SMPD3: variants seen among roughly 807,000 people sequenced by gnomAD.
SMPD3 encodes nSMase-2.
SMPD3 carries 21 observed loss-of-function variants against 55.7 expected under a neutral mutation model. The ratio of observed to expected loss-of-function variants is 0.38; its 90% CI spans 0.27 to 0.54. The LOEUF (loss-of-function observed/expected upper bound fraction) is 0.54, where lower values mean the gene tolerates loss of function less well. Among genes scored for constraint, SMPD3 ranks in the 20% least tolerant of loss-of-function variants. The probability of loss-of-function intolerance (pLI) is 0.80; values close to 1 mark genes in which losing one functional copy is unlikely to be tolerated. For missense variants in SMPD3, 842 were observed against 899.6 expected (o/e 0.94, Z 0.82); for synonymous variants, 457 against 404.3 (o/e 1.13, Z -1.56).
At chr16:68,405,967 C>T (rs569892703) in intron 1 of SMPD3, among the ~76,000 whole-genome samples, 44 of 152,154 alleles carry the variant, frequency 2.9e-4, no homozygotes, top group Admixed American at 7.2e-4. Context: ...CATTGTCAAG[C>T]GGTTTATCTC....
At chr16:68,414,098 T>C (rs2090321758) in intron 1 of SMPD3, among the ~76,000 whole-genome samples, 1 of 152,214 alleles carries the variant, frequency 6.6e-6, no homozygotes, top group Admixed American at 6.5e-5. Context: ...CCCAACTCTG[T>C]TCCCATAGTC....
chr16:68,427,403 T>A (rs750017583), intron 1 of SMPD3, among the ~76,000 whole-genome samples: 1 of 152,158 alleles, frequency 6.6e-6, no homozygotes, highest in Non-Finnish European at 1.5e-5. Flanking sequence ...AATGAATGCA[T>A]CTAGTGAAAG....
rs778186491 is a variant in SMPD3, at chr16:68,361,197, C to CCGGA, written c.*5_*8dup. On this transcript the variant is annotated 3_prime_UTR_variant, in exon 9 of 9. Transcript: ENST00000219334. ...AAGGGCTGGCAGAGGCCCCGCTGCT[C>CCGGA]CGGACGGTCTATGCCTCCTCCTCCC... 2 of 1,612,180 alleles carry CCGGA rather than the reference C, an allele frequency of 1.2e-6. No homozygotes were observed. The highest frequency in any genetic ancestry group is 1.7e-6 in the Non-Finnish European group (2 of 1,179,198).
At position 68,364,731 on chromosome 16, in the gene SMPD3, G is replaced by A. The variant is rs772905543; in HGVS notation, c.1555+20C>T. On this transcript the variant is annotated intron_variant, in intron 5 of 8. Coordinates refer to ENST00000219334, the MANE Select transcript of SMPD3 (RefSeq NM_018667.4). ...CCTCCCCAGAGCTGGAGACCTGAGT[G>A]GGGAGGAGCCCGGCCTCACCAGAGG... is the stretch of plus-strand genomic sequence containing the variant. 1.2e-5 allele frequency: 20 copies of A among 1,603,520 alleles called. No individual in the cohort carries two copies. In the Middle Eastern group the frequency reaches 5.1e-4, roughly 41 times the overall value.
At chr16:68,370,250 C>T (rs1052564613) in intron 3 of SMPD3, 5 of 153,634 alleles carry the variant, frequency 3.3e-5, no homozygotes, top group African/African-American at 1.2e-4. Context: ...ACTATGGAAG[C>T]GAAACCATGG....
At chr16:68,418,927 G>T (rs2090362185) in intron 1 of SMPD3, among the ~76,000 whole-genome samples, 1 of 152,184 alleles carries the variant, frequency 6.6e-6, no homozygotes, top group Non-Finnish European at 1.5e-5. Flanking sequence ...TCTGCTAGAT[G>T]TATCCTCCTA....
Position 68,371,018 on chromosome 16 carries a change from G to A in SMPD3, c.1164C>T (p.Asp388=), listed in dbSNP as rs548081099. The change falls in exon 3 of 9, where the codon GAC becomes GAT. Residue 388 remains aspartate, a synonymous_variant. Transcript: ENST00000219334. The part of the protein sequence containing the change: ...LHGYFEYILY[D]VGVYGCQGCC... ...AGCCCTGGCAGCCGTAGACCCCGAC[G>A]TCGTACAGGATGTACTCGAAGTAGC... 8.1e-5 allele frequency: 130 copies of A among 1,614,214 alleles called. No homozygotes were observed. In the South Asian group the frequency reaches 1.2e-3, roughly 14 times the overall value.
intron 2 of SMPD3, among the ~76,000 whole-genome samples, chr16:68,373,142 A>T (rs1483770692): frequency 6.6e-6 from 1 of 152,194 alleles, no homozygotes; most frequent in Non-Finnish European, 1.5e-5. Flanking sequence ...CTTTTGGAGA[A>T]GCTCCCTGGG....
At chr16:68,416,999 A>C (rs1311099031) in intron 1 of SMPD3, among the ~76,000 whole-genome samples, 1 of 151,950 alleles carries the variant, frequency 6.6e-6, no homozygotes, top group Non-Finnish European at 1.5e-5. Context: ...CGTGGTTTCC[A>C]CTTAGACCCT....
chr16:68,369,146 G>C (rs2089576630), intron 3 of SMPD3: 1 of 148,132 alleles, frequency 6.8e-6, no homozygotes, highest in Non-Finnish European at 1.5e-5. Context: ...GAACCCGGGA[G>C]GCAGAGGTTG....
At chr16:68,385,450 G>T (rs1285122453) in intron 2 of SMPD3, among the ~76,000 whole-genome samples, 7 of 152,114 alleles carry the variant, frequency 4.6e-5, no homozygotes, top group Non-Finnish European at 1.0e-4. Context: ...GTCCCCTGAA[G>T]GTTACATTTG....
At chr16:68,375,219 TCTCA>T (rs1345715167) in intron 2 of SMPD3, among the ~76,000 whole-genome samples, 1 of 151,778 alleles carries the variant, frequency 6.6e-6, no homozygotes, top group Non-Finnish European at 1.5e-5. Context: ...CCTTTGGTGG[TCTCA>T]CTGTCTTGGG....
chr16:68,408,757 TG>T (rs996246436), intron 1 of SMPD3, among the ~76,000 whole-genome samples: 2 of 152,188 alleles, frequency 1.3e-5, no homozygotes, highest in African/African-American at 4.8e-5. Context: ...TCTCCTGGGT[TG>T]AGAACTCCAG....
At chr16:68,405,582 A>G (rs2090248330) in intron 1 of SMPD3, among the ~76,000 whole-genome samples, 1 of 151,740 alleles carries the variant, frequency 6.6e-6, no homozygotes, top group African/African-American at 2.4e-5. Flanking sequence ...AGAAAAGAAA[A>G]TACAAAAAGA....
Position 68,390,145 on chromosome 16 carries a change from C to T in SMPD3, c.-268-3486G>A, listed in dbSNP as rs532458036. On this transcript the variant is annotated intron_variant, in intron 1 of 8. Coordinates refer to ENST00000219334, the MANE Select transcript of SMPD3 (RefSeq NM_018667.4). ...CCAAGGGTGACTTCTGGAACATTGC[C>T]CTGGCATTTGTAAACTGTCACGGCG... 7.5e-4 allele frequency among the ~76,000 whole-genome samples: 114 copies of T among 152,288 alleles called. 3 individuals are homozygous for T. In the South Asian group the frequency reaches 0.022, roughly 29 times the overall value.
chr16:68,446,838 C>T (rs1158439460), intron 1 of SMPD3, among the ~76,000 whole-genome samples: 1 of 152,224 alleles, frequency 6.6e-6, no homozygotes, highest in African/African-American at 2.4e-5. Flanking sequence ...CCCCCACTCT[C>T]GGCCCCCGAA....
chr16:68,438,448 A>G (rs915640232), intron 1 of SMPD3, among the ~76,000 whole-genome samples: 1 of 152,204 alleles, frequency 6.6e-6, no homozygotes, highest in Non-Finnish European at 1.5e-5. Flanking sequence ...AGCACACTCA[A>G]CACTGCAACA....
rs200655763 is a variant in SMPD3, at chr16:68,360,417, CGGA to C, written c.*786_*788del. On this transcript the variant is annotated 3_prime_UTR_variant, in exon 9 of 9. Transcript: ENST00000219334. ...CTCCACTGCCCAGATGGGAGGCTCCCGGAGGAGGCCCAGGGTGCCAGAGCCTGC... is the reference window on the plus strand; with the variant it reads ...CTCCACTGCCCAGATGGGAGGCTCCCGGAGGCCCAGGGTGCCAGAGCCTGC... 0.012 allele frequency: 1,841 copies of C among 152,408 alleles called. 37 individuals carry two copies. Among genetic ancestry groups the C allele is most frequent in the Admixed American group, 0.045 (687 of 15,284 alleles). 9.4% of individuals were successfully genotyped at this position (152,408 alleles called of 1,614,324 possible).
intron 1 of SMPD3, among the ~76,000 whole-genome samples, chr16:68,407,636 T>C (rs769418761): frequency 7.9e-5 from 12 of 152,164 alleles, no homozygotes; most frequent in Non-Finnish European, 1.5e-4. Flanking sequence ...CAGGAGCCTA[T>C]TGTTGTATTT....
Sources: allele counts gnomAD v4.1 joint callset (sites outside exome capture counted in the v4.1 genomes callset), GRCh38; gene constraint gnomAD v4.1.1; transcripts MANE v1.5; gene names NCBI Gene and HGNC (gene_info 2026-07-23, HGNC 2026-07-21).